Variants in TRIP11 observed in about 807,000 individuals in gnomAD.
TRIP11 encodes thyroid receptor-interacting protein 11.
A neutral mutation model predicts 223.1 loss-of-function variants in TRIP11; 148 were observed. That is an observed-to-expected ratio of 0.66 (90% CI 0.58 to 0.76). TRIP11 has a LOEUF of 0.76. TRIP11 is among the 30% of genes least tolerant of loss of function. TRIP11 has a pLI of 0.00. For synonymous variants in TRIP11, 762 were observed against 772.6 expected (o/e 0.99, Z 0.23); for missense variants, 2,043 against 2,222.0 (o/e 0.92, Z 1.62).
chr14:92,021,793 G>A lies in TRIP11; in HGVS notation c.351C>T (p.Leu117=). ...ISHLKARQIA[L]QDQLLKLQSA... Reference sequence around the variant, plus strand: ...ACTGCAGTTTCAGCAACTGATCCTGGAGTGCAATCTGTCTGGCTTTAAGAT... The same window carrying A: ...ACTGCAGTTTCAGCAACTGATCCTGAAGTGCAATCTGTCTGGCTTTAAGAT... Residue 117 remains leucine, a synonymous_variant, in exon 4 of 21, where the codon CTC becomes CTT. Transcript: ENST00000267622. 3 of 1,614,130 alleles carry A rather than the reference G, an allele frequency of 1.9e-6. No individual in the cohort carries two copies. Among genetic ancestry groups the A allele is most frequent in the Non-Finnish European group, 2.5e-6 (3 of 1,180,026 alleles).
chr14:91,981,084 C>T (rs2056537847), intron 16 of TRIP11, among the ~76,000 whole-genome samples: 1 of 142,448 alleles, frequency 7.0e-6, no homozygotes, highest in African/African-American at 2.6e-5. Flanking sequence ...AGTGGCGCCC[C>T]AGCTCACTGC....
chr14:92,027,593 C>T (rs2057206315), intron 2 of TRIP11, among the ~76,000 whole-genome samples: 5 of 151,774 alleles, frequency 3.3e-5, no homozygotes. Context: ...CATAATGGGG[C>T]AAAAGAAATG....
chr14:92,025,552 T>C (rs371999398), intron 2 of TRIP11, 132 bp from the exon 3 acceptor site: 1 of 666,400 alleles, frequency 1.5e-6, no homozygotes, highest in Non-Finnish European at 2.6e-6. Context: ...CGGACAGAAT[T>C]CTGGACTTTA....
At chr14:92,011,893 T>C in intron 7 of TRIP11, 98 bp from the exon 8 acceptor site, 4 of 1,048,974 alleles carry the variant, frequency 3.8e-6, no homozygotes, top group Non-Finnish European at 5.8e-6. Flanking sequence ...AAAGTGTATA[T>C]AAGCACCACT....
At chr14:91,988,565 T>C (rs766756447) in intron 15 of TRIP11, among the ~76,000 whole-genome samples, 182 bp from the exon 16 acceptor site, 6 of 140,524 alleles carry the variant, frequency 4.3e-5, no homozygotes, top group Non-Finnish European at 6.1e-5. Context: ...TTCAATACAA[T>C]ACTGCCTCAT....
intron 1 of TRIP11, among the ~76,000 whole-genome samples, chr14:92,034,744 C>T (rs113651960): frequency 0.02 from 3,003 of 152,214 alleles, 101 homozygotes; most frequent in African/African-American, 0.067. Context: ...CAAACTCTCT[C>T]GCTTCAGCCT....
chr14:92,020,123 G>A (rs1245595565), intron 4 of TRIP11, among the ~76,000 whole-genome samples: 1 of 151,936 alleles, frequency 6.6e-6, no homozygotes, highest in Admixed American at 6.6e-5. Flanking sequence ...GTGGTGGCGG[G>A]CGCCTGTAAT....
At chr14:92,027,052 C>A (rs2057198631) in intron 2 of TRIP11, among the ~76,000 whole-genome samples, 1 of 152,114 alleles carries the variant, frequency 6.6e-6, no homozygotes, top group African/African-American at 2.4e-5. Flanking sequence ...ACCACGCAAC[C>A]CAAACCATGA....
intron 11 of TRIP11, among the ~76,000 whole-genome samples, chr14:92,003,182 T>C (rs982315990): frequency 1.1e-4 from 17 of 152,316 alleles, no homozygotes; most frequent in African/African-American, 4.1e-4. Context: ...AAGTACTACT[T>C]AGCAATCTGT....
chr14:92,038,513 C>A (rs534919784), intron 1 of TRIP11, among the ~76,000 whole-genome samples: 1 of 152,146 alleles, frequency 6.6e-6, no homozygotes, highest in Admixed American at 6.5e-5. Context: ...CCAGTCTATT[C>A]TTCCTTCCAT....
chr14:92,007,187 G>A (rs2056916225), intron 10 of TRIP11, among the ~76,000 whole-genome samples: 1 of 151,972 alleles, frequency 6.6e-6, no homozygotes, highest in Non-Finnish European at 1.5e-5. Context: ...ACCACGGCCG[G>A]CTAATTTTTT....
At chr14:92,018,219 C>T (rs2057061096) in intron 4 of TRIP11, among the ~76,000 whole-genome samples, 1 of 151,902 alleles carries the variant, frequency 6.6e-6, no homozygotes, top group East Asian at 1.9e-4. Context: ...CTCAGCCTTC[C>T]AAGTAGCTGG....
At chr14:91,975,359 A>G in intron 17 of TRIP11, 73 bp from the exon 18 acceptor site, 2 of 912,002 alleles carry the variant, frequency 2.2e-6, no homozygotes, top group Non-Finnish European at 3.5e-6. Flanking sequence ...GCATAGAAAT[A>G]TTTAATTATA....
At chr14:92,017,915 A>G (rs1297628672) in intron 4 of TRIP11, among the ~76,000 whole-genome samples, 165 bp from the exon 5 acceptor site, 1 of 152,210 alleles carries the variant, frequency 6.6e-6, no homozygotes, top group African/African-American at 2.4e-5. Flanking sequence ...CTAATAGTGA[A>G]TAATACACAA....
intron 1 of TRIP11, among the ~76,000 whole-genome samples, chr14:92,039,259 C>A (rs563043565): frequency 2.0e-5 from 3 of 152,112 alleles, no homozygotes; most frequent in Non-Finnish European, 4.4e-5. Flanking sequence ...CGTGGATCAA[C>A]CAAACGAAAA....
intron 20 of TRIP11, 108 bp from the exon 21 acceptor site, chr14:91,970,001 A>G (rs557107018): frequency 3.6e-6 from 4 of 1,102,438 alleles, no homozygotes; most frequent in Admixed American, 4.4e-5. Context: ...TGTTAAATTG[A>G]TTAGCATAGA....
chr14:92,013,551 G>T (rs2056999367), intron 7 of TRIP11, among the ~76,000 whole-genome samples: 1 of 152,118 alleles, frequency 6.6e-6, no homozygotes, highest in Non-Finnish European at 1.5e-5. Context: ...TAGGCAAAAA[G>T]CAATTATGAC....
At chr14:92,039,484 G>A in intron 1 of TRIP11, 63 bp downstream of exon 1, 1 of 1,582,336 alleles carries the variant, frequency 6.3e-7, no homozygotes, top group East Asian at 2.2e-5. Context: ...GATGGAAGTA[G>A]GGACCAAACG....
intron 11 of TRIP11, among the ~76,000 whole-genome samples, chr14:92,000,453 G>C (rs56211658): frequency 0.023 from 3,575 of 152,258 alleles, 132 homozygotes; most frequent in African/African-American, 0.073. Context: ...CTTTAGTTCA[G>C]TAACACCTCA....
Sources: gnomAD v4.1 joint callset for allele counts (sites outside exome capture counted in the v4.1 genomes callset) on GRCh38, gnomAD v4.1.1 for gene constraint, MANE v1.5 for transcripts, NCBI Gene and HGNC (gene_info 2026-07-23, HGNC 2026-07-21) for gene names.